DNAH11: variants seen among roughly 807,000 people sequenced by gnomAD.
DNAH11 encodes the protein axonemal beta dynein heavy chain 11.
In DNAH11, 442 loss-of-function variants were observed where a neutral mutation model predicts 526.0. The ratio of observed to expected loss-of-function variants is 0.84; its 90% CI spans 0.78 to 0.91. The LOEUF (loss-of-function observed/expected upper bound fraction) is 0.91, where lower values mean the gene tolerates loss of function less well. Among genes scored for constraint, DNAH11 ranks in the 40% least tolerant of loss-of-function variants. DNAH11 has a pLI of 0.00. For missense variants in DNAH11, 6,989 were observed against 5,448.7 expected, an observed-to-expected ratio of 1.28 and a Z score of -8.90; for synonymous variants, 2,461 against 1,935.9, an observed-to-expected ratio of 1.27 and a Z score of -7.12.
chr7:21,781,950 G>C (rs901072751), intron 57 of DNAH11, among the ~76,000 whole-genome samples: 1 of 152,102 alleles, frequency 6.6e-6, no homozygotes, highest in East Asian at 1.9e-4. Flanking sequence ...GATGTGTCTT[G>C]TGTGTGTCCA....
At chr7:21,783,252 C>T (rs1244645079) in intron 57 of DNAH11, among the ~76,000 whole-genome samples, 2 of 152,042 alleles carry the variant, frequency 1.3e-5, no homozygotes, top group Non-Finnish European at 2.9e-5. Context: ...TTAACAATAG[C>T]TGTGTGTGTA....
chr7:21,597,639 A>G (rs1784909759), intron 14 of DNAH11, among the ~76,000 whole-genome samples: 1 of 152,132 alleles, frequency 6.6e-6, no homozygotes, highest in South Asian at 2.1e-4. Flanking sequence ...GAATTCTGTA[A>G]TGAGAACAGC....
At chr7:21,664,859 C>G (rs73061703) in intron 30 of DNAH11, among the ~76,000 whole-genome samples, 1 of 152,038 alleles carries the variant, frequency 6.6e-6, no homozygotes, top group South Asian at 2.1e-4. Flanking sequence ...TGTTCAACAT[C>G]TCAGTCCCAA....
chr7:21,596,846 G>C (rs1423915259), intron 14 of DNAH11, among the ~76,000 whole-genome samples: 1 of 152,192 alleles, frequency 6.6e-6, no homozygotes, highest in African/African-American at 2.4e-5. Context: ...TCTGCCTTGA[G>C]GGAATGTAAG....
At chr7:21,718,729 A>G (rs1196889184) in intron 43 of DNAH11, among the ~76,000 whole-genome samples, 2 of 152,026 alleles carry the variant, frequency 1.3e-5, no homozygotes, top group Non-Finnish European at 2.9e-5. Flanking sequence ...AAACCCCCAC[A>G]CCCTTTTTTT....
chr7:21,802,078 A>G (rs531906147), intron 62 of DNAH11, among the ~76,000 whole-genome samples: 2 of 152,216 alleles, frequency 1.3e-5, no homozygotes, highest in Admixed American at 6.5e-5. Context: ...CGTTTCCCTT[A>G]CAAGGTTGTG....
chr7:21,582,062 A>G, intron 9 of DNAH11, 41 bp downstream of exon 9: 1 of 1,293,464 alleles, frequency 7.7e-7, no homozygotes, highest in Non-Finnish European at 1.1e-6. Context: ...GTTTACTATG[A>G]ATAATATAGG....
chr7:21,677,954 T>C (rs1281838228), intron 30 of DNAH11, among the ~76,000 whole-genome samples: 2 of 152,232 alleles, frequency 1.3e-5, no homozygotes, highest in Non-Finnish European at 2.9e-5. Flanking sequence ...GAGTTCCTTA[T>C]ATATTTTAGA....
intron 10 of DNAH11, 80 bp from the exon 11 acceptor site, chr7:21,588,432 T>C: frequency 1.9e-6 from 3 of 1,546,186 alleles, no homozygotes; most frequent in Non-Finnish European, 2.6e-6. Flanking sequence ...AATACCAAAA[T>C]GAAAAATTGC....
intron 74 of DNAH11, among the ~76,000 whole-genome samples, chr7:21,876,580 A>G (rs1271562852): frequency 3.3e-5 from 5 of 152,256 alleles, no homozygotes; most frequent in African/African-American, 1.2e-4. Context: ...GTCCTGCCAC[A>G]TGAGAGTTTT....
At chr7:21,801,066 T>C (rs1407410451) in intron 61 of DNAH11, 71 bp from the exon 62 acceptor site, 4 of 1,484,584 alleles carry the variant, frequency 2.7e-6, no homozygotes, top group Non-Finnish European at 3.7e-6. Flanking sequence ...CAGTAACAGA[T>C]GTTTTAAGAT....
At chr7:21,612,533 C>G (rs35758178) in intron 20 of DNAH11, among the ~76,000 whole-genome samples, 2 of 133,616 alleles carry the variant, frequency 1.5e-5, no homozygotes, top group African/African-American at 6.0e-5. Context: ...CCAGCCTGGG[C>G]GACAGAGTGA....
At chr7:21,803,846 AGT>A (rs1789117859) in intron 62 of DNAH11, among the ~76,000 whole-genome samples, 1 of 148,866 alleles carries the variant, frequency 6.7e-6, no homozygotes, top group Non-Finnish European at 1.5e-5. Flanking sequence ...AGTCTGGAAA[AGT>A]GGGGAATGGG....
At chr7:21,570,334 A>G (rs1783836104) in intron 7 of DNAH11, 35 bp downstream of exon 7, 1 of 1,546,276 alleles carries the variant, frequency 6.5e-7, no homozygotes, top group African/African-American at 1.4e-5. Context: ...TTCATGTTGA[A>G]GGTGGGTGCA....
intron 10 of DNAH11, 147 bp downstream of exon 10, chr7:21,588,348 G>A: frequency 7.5e-7 from 1 of 1,325,596 alleles, no homozygotes; most frequent in East Asian, 2.3e-5. Context: ...TCATGGAGAT[G>A]GTAAACTTGC....
intron 1 of DNAH11, 62 bp downstream of exon 1, chr7:21,543,658 A>T: frequency 6.6e-7 from 1 of 1,506,640 alleles, no homozygotes; most frequent in Admixed American, 2.2e-5. Flanking sequence ...GAGACAGCCC[A>T]GTCGCTCCCC....
At chr7:21,623,469 A>G (rs1786176496) in intron 25 of DNAH11, among the ~76,000 whole-genome samples, 1 of 152,230 alleles carries the variant, frequency 6.6e-6, no homozygotes, top group Non-Finnish European at 1.5e-5. Context: ...TACTGGGTAT[A>G]TACCCAAAGG....
In DNAH11 at chr7:21,600,574, C is replaced by G. The variant is rs1403674544; in HGVS notation, c.3001-102C>G. On this transcript the variant is annotated intron_variant, in intron 15 of 81. Coordinates refer to ENST00000409508, the MANE Select transcript of DNAH11 (RefSeq NM_001277115.2). Reference sequence around the variant, plus strand: ...GCAACATGATTTTTAATTTTTCTAACTACTCTCCCTTTGAAGAATTACCTT... The same window carrying G: ...GCAACATGATTTTTAATTTTTCTAAGTACTCTCCCTTTGAAGAATTACCTT... The G allele has an allele frequency of 4.0e-6, 5 of 1,247,916 alleles. No individual in the cohort carries two copies. The African/African-American group carries it at 6.2e-5, about 15-fold the overall frequency. 77.3% of individuals were successfully genotyped at this position (1,247,916 alleles called of 1,614,324 possible).
chr7:21,830,606 A>G (rs953838551), intron 65 of DNAH11, among the ~76,000 whole-genome samples: 22 of 152,186 alleles, frequency 1.4e-4, no homozygotes, highest in Admixed American at 1.3e-3. Context: ...CTAGGAGTCT[A>G]GAGACCCAGG....
Sources: gnomAD v4.1 joint callset for allele counts (sites outside exome capture counted in the v4.1 genomes callset) on GRCh38, gnomAD v4.1.1 for gene constraint, MANE v1.5 for transcripts, NCBI Gene and HGNC (gene_info 2026-07-23, HGNC 2026-07-21) for gene names.